Variants in GRIP1 observed in about 807,000 individuals in gnomAD.
The protein encoded by GRIP1 is glutamate receptor interacting protein 1.
In GRIP1, 45 loss-of-function variants were observed where a neutral mutation model predicts 129.9. That is an observed-to-expected ratio of 0.35 (90% CI 0.27 to 0.44). GRIP1 has a LOEUF of 0.44. GRIP1 is among the 20% of genes least tolerant of loss of function. GRIP1 has a pLI of 1.00. For missense variants in GRIP1, 1,196 were observed against 1,396.8 expected, an observed-to-expected ratio of 0.86 and a Z score of 2.29; for synonymous variants, 530 against 520.8, an observed-to-expected ratio of 1.02 and a Z score of -0.24.
At chr12:66,465,969 A>G (rs938105304) in intron 7 of GRIP1, among the ~76,000 whole-genome samples, 2 of 152,152 alleles carry the variant, frequency 1.3e-5, no homozygotes, top group Non-Finnish European at 2.9e-5. Flanking sequence ...TGGGAGGATG[A>G]ATGGATGGGT....
rs80032484 is a variant in GRIP1 at position 66,755,805 on chromosome 12, T to A, written c.-420+48248A>T. On this transcript the variant is annotated intron_variant, in intron 1 of 4. Transcript: ENST00000538373. ...AGGGGTGAACTCTGCCCTATGAGAA[T>A]GGGGAGAGAGCAGGGCAGATAAATG... 2.0e-5 allele frequency among the ~76,000 whole-genome samples: 3 copies of A among 152,310 alleles called. No individual in the cohort carries two copies. In the East Asian group the frequency reaches 5.8e-4, roughly 29 times the overall value.
intron 1 of GRIP1, among the ~76,000 whole-genome samples, chr12:66,848,354 T>C (rs530025941): frequency 6.6e-6 from 1 of 152,230 alleles, no homozygotes; most frequent in South Asian, 2.1e-4. Context: ...TTACTGCACA[T>C]TTCCTCTATG....
chr12:67,050,653 A>C (rs775728041), intron 1 of GRIP1, among the ~76,000 whole-genome samples: 1 of 152,200 alleles, frequency 6.6e-6, no homozygotes, highest in Non-Finnish European at 1.5e-5. Flanking sequence ...ACCTGCTCTT[A>C]AGATTTTTTT....
chr12:66,422,584 T>TA (rs1555181883), intron 14 of GRIP1, among the ~76,000 whole-genome samples: 7 of 151,834 alleles, frequency 4.6e-5, no homozygotes, highest in South Asian at 2.1e-4. Flanking sequence ...TTGGCTTTTT[T>TA]AAAAAAAATC....
intron 1 of GRIP1, among the ~76,000 whole-genome samples, chr12:67,000,142 C>CT (rs1169310242): frequency 7.2e-5 from 11 of 152,266 alleles, no homozygotes; most frequent in African/African-American, 2.6e-4. Flanking sequence ...GGAAGCAACT[C>CT]TAACTCTGTC....
chr12:66,626,295 G>A (rs984697517), intron 1 of GRIP1, among the ~76,000 whole-genome samples: 9 of 150,050 alleles, frequency 6.0e-5, no homozygotes, highest in South Asian at 2.1e-4. Flanking sequence ...AGCTGAGACC[G>A]CACCACTGCA....
chr12:66,554,411 A>T (rs541490239), intron 2 of GRIP1, among the ~76,000 whole-genome samples: 44 of 152,252 alleles, frequency 2.9e-4, no homozygotes, highest in African/African-American at 1.1e-3. Flanking sequence ...AGTACATGCC[A>T]TGGGCCTTGG....
At chr12:66,598,056 C>A (rs2064124675) in intron 1 of GRIP1, among the ~76,000 whole-genome samples, 1 of 152,106 alleles carries the variant, frequency 6.6e-6, no homozygotes, top group South Asian at 2.1e-4. Context: ...TTTATAATAG[C>A]AGGAAATCGT....
intron 1 of GRIP1, among the ~76,000 whole-genome samples, chr12:66,767,722 C>A (rs2037688658): frequency 6.6e-6 from 1 of 152,132 alleles, no homozygotes; most frequent in Non-Finnish European, 1.5e-5. Context: ...AAATAATTTA[C>A]ACGTGACTCA....
In GRIP1 at chr12:67,022,929, T is replaced by C. The variant is rs191483318; in HGVS notation, c.58+46121A>G. Among the ~76,000 whole-genome samples, 5 of 152,306 alleles carry C rather than the reference T, an allele frequency of 3.3e-5. No homozygotes were observed. In the East Asian group the frequency reaches 9.6e-4, roughly 29 times the overall value. On this transcript the variant is annotated intron_variant, in intron 1 of 1. Coordinates refer to the GRIP1 transcript ENST00000643019. The stretch of plus-strand genomic sequence containing the variant: ...TTTATGCTTATGTATGCTGAGCATC[T>C]TTTTATGTGTTTGTTACCCATATAT...
chr12:66,401,572 T>A, intron 16 of GRIP1, among the ~76,000 whole-genome samples: 1 of 90,516 alleles, frequency 1.1e-5, no homozygotes. Flanking sequence ...AGAGCAAAAT[T>A]CCGTCTCAAA....
chr12:66,977,214 G>A (rs1253611085), intron 1 of GRIP1, among the ~76,000 whole-genome samples: 1 of 134,310 alleles, frequency 7.4e-6, no homozygotes, highest in Non-Finnish European at 1.6e-5. Context: ...TTTTTTTTTT[G>A]TCAAATCATT....
intron 5 of GRIP1, among the ~76,000 whole-genome samples, chr12:66,521,715 C>T (rs1009764118): frequency 6.6e-5 from 10 of 152,122 alleles, no homozygotes; most frequent in African/African-American, 9.7e-5. Context: ...ATGCCTCACT[C>T]GGGAAGTGCA....
At chr12:66,423,019 C>T (rs993839397) in intron 14 of GRIP1, among the ~76,000 whole-genome samples, 1 of 152,162 alleles carries the variant, frequency 6.6e-6, no homozygotes, top group Non-Finnish European at 1.5e-5. Context: ...GCATGCTTTG[C>T]TTGGCTGGTA....
chr12:66,399,035 T>C (rs2056891747), intron 16 of GRIP1, among the ~76,000 whole-genome samples: 1 of 151,998 alleles, frequency 6.6e-6, no homozygotes. Flanking sequence ...CATGTAGTCA[T>C]TGGTTCCCAG....
chr12:66,929,230 T>A (rs934485712), intron 1 of GRIP1, among the ~76,000 whole-genome samples: 2 of 152,216 alleles, frequency 1.3e-5, no homozygotes, highest in Non-Finnish European at 2.9e-5. Flanking sequence ...TGCTTCTCTC[T>A]AAAGGCTCTT....
intron 1 of GRIP1, among the ~76,000 whole-genome samples, chr12:66,604,259 T>G (rs539733596): frequency 6.6e-6 from 1 of 152,368 alleles, no homozygotes; most frequent in Admixed American, 6.5e-5. Flanking sequence ...TTTGGGAAAG[T>G]AATATCTTTA....
At chr12:66,551,027 T>C (rs1268114810) in intron 2 of GRIP1, among the ~76,000 whole-genome samples, 1 of 152,254 alleles carries the variant, frequency 6.6e-6, no homozygotes, top group Non-Finnish European at 1.5e-5. Flanking sequence ...TTGACATGAT[T>C]GAAAATCGGA....
At chr12:66,461,629 T>C (rs1385961572) in intron 9 of GRIP1, among the ~76,000 whole-genome samples, 2 of 152,354 alleles carry the variant, frequency 1.3e-5, no homozygotes, top group East Asian at 1.9e-4. Flanking sequence ...AGGGTAATGT[T>C]GTACTAGAGA....
Sources: allele counts gnomAD v4.1 joint callset (sites outside exome capture counted in the v4.1 genomes callset), GRCh38; gene constraint gnomAD v4.1.1; transcripts MANE v1.5; gene names NCBI Gene and HGNC (gene_info 2026-07-23, HGNC 2026-07-21).